CDKAL1: variants seen among roughly 807,000 people sequenced by gnomAD.
CDKAL1 encodes CDKAL1 threonylcarbamoyladenosine tRNA methylthiotransferase.
Under a neutral mutation model 68.2 loss-of-function variants are expected in CDKAL1, and 32 were observed. The observed-to-expected ratio is 0.47, with a 90% CI of 0.35 to 0.63. The LOEUF (loss-of-function observed/expected upper bound fraction) is 0.63. CDKAL1 is among the 30% of genes least tolerant of loss of function. The pLI is 0.00. For synonymous variants in CDKAL1, 234 were observed against 244.3 expected (o/e 0.96, Z 0.39); for missense variants, 606 against 696.7 (o/e 0.87, Z 1.47).
intron 13 of CDKAL1, among the ~76,000 whole-genome samples, chr6:21,180,213 T>G (rs2151085321): frequency 6.6e-6 from 1 of 152,334 alleles, no homozygotes; most frequent in South Asian, 2.1e-4. Context: ...TGGTAATGCT[T>G]GTGTTCATAG....
intron 9 of CDKAL1, among the ~76,000 whole-genome samples, chr6:20,930,138 A>G (rs962253785): frequency 6.6e-6 from 1 of 152,210 alleles, no homozygotes; most frequent in African/African-American, 2.4e-5. Context: ...ACACTTAGTG[A>G]GCTAAAACGC....
chr6:20,798,701 G>A (rs1336336404), intron 8 of CDKAL1, among the ~76,000 whole-genome samples: 1 of 145,738 alleles, frequency 6.9e-6, no homozygotes, highest in Non-Finnish European at 1.5e-5. Context: ...CTCGTAGGTG[G>A]GAATTGAACA....
At chr6:21,114,302 T>G (rs1195318647) in intron 13 of CDKAL1, among the ~76,000 whole-genome samples, 1 of 151,276 alleles carries the variant, frequency 6.6e-6, no homozygotes, top group Non-Finnish European at 1.5e-5. Flanking sequence ...TGTTGATAGT[T>G]GGGTAAGGGA....
chr6:20,582,942 A>G (rs1273863687), intron 4 of CDKAL1, among the ~76,000 whole-genome samples: 2 of 152,196 alleles, frequency 1.3e-5, no homozygotes, highest in African/African-American at 4.8e-5. Context: ...GTCTTCTCCA[A>G]GTGATACTCT....
chr6:20,684,711 T>TAA (rs113654973), intron 5 of CDKAL1, among the ~76,000 whole-genome samples: 9,405 of 152,216 alleles, frequency 0.062, 927 homozygotes, highest in African/African-American at 0.21. Context: ...ATTTGGCCAT[T>TAA]GTAAGAGGTT....
At chr6:21,073,690 A>C (rs1771916209) in intron 12 of CDKAL1, among the ~76,000 whole-genome samples, 1 of 152,136 alleles carries the variant, frequency 6.6e-6, no homozygotes, top group South Asian at 2.1e-4. Flanking sequence ...ATTTTTAATC[A>C]TGCAGTTTGT....
intron 7 of CDKAL1, among the ~76,000 whole-genome samples, chr6:20,762,253 T>C (rs1774501815): frequency 6.6e-6 from 1 of 152,144 alleles, no homozygotes; most frequent in African/African-American, 2.4e-5. Context: ...GTGGATTTAC[T>C]GGAGAGATTG....
chr6:20,544,510 G>A (rs1022552586), intron 2 of CDKAL1, among the ~76,000 whole-genome samples: 5 of 148,474 alleles, frequency 3.4e-5, no homozygotes, highest in African/African-American at 5.0e-5. Flanking sequence ...GCAGGAGAAT[G>A]GCGTGAACCC....
intron 9 of CDKAL1, among the ~76,000 whole-genome samples, chr6:20,856,009 CA>C (rs1025276737): frequency 4.6e-5 from 7 of 152,156 alleles, no homozygotes; most frequent in African/African-American, 1.7e-4. Flanking sequence ...TGATTGAGTG[CA>C]AATCCACCTG....
At chr6:20,623,073 TAA>T (rs547331232) in intron 4 of CDKAL1, among the ~76,000 whole-genome samples, 63 of 152,234 alleles carry the variant, frequency 4.1e-4, no homozygotes, top group Non-Finnish European at 7.2e-4. Flanking sequence ...AAATGTACAT[TAA>T]AAGTCTTCTG....
intron 9 of CDKAL1, among the ~76,000 whole-genome samples, chr6:20,865,893 G>T (rs1759882508): frequency 6.6e-6 from 1 of 152,098 alleles, no homozygotes; most frequent in Non-Finnish European, 1.5e-5. Context: ...TGCATTAAAT[G>T]AACTGTGAAG....
At chr6:20,904,838 C>T (rs189635606) in intron 9 of CDKAL1, among the ~76,000 whole-genome samples, 71 of 151,956 alleles carry the variant, frequency 4.7e-4, no homozygotes, top group East Asian at 1.7e-3. Context: ...GCCAGGAAGA[C>T]GCACAGACTC....
At chr6:20,845,503 CAG>C (rs1778344490) in intron 8 of CDKAL1, among the ~76,000 whole-genome samples, 1 of 151,840 alleles carries the variant, frequency 6.6e-6, no homozygotes, top group African/African-American at 2.4e-5. Flanking sequence ...AATGTAGTCT[CAG>C]AGAATTATTC....
intron 10 of CDKAL1, among the ~76,000 whole-genome samples, chr6:20,992,345 G>A (rs891623087): frequency 1.3e-5 from 2 of 151,888 alleles, no homozygotes; most frequent in Admixed American, 6.6e-5. Context: ...GGGATTACTA[G>A]TGTGAGCCAC....
intron 5 of CDKAL1, among the ~76,000 whole-genome samples, chr6:20,713,865 G>C (rs1407841282): frequency 6.6e-6 from 1 of 151,852 alleles, no homozygotes; most frequent in Non-Finnish European, 1.5e-5. Context: ...ACCTGTTTTG[G>C]TTTTTGTAAA....
chr6:20,834,590 C>T (rs1484361626), intron 8 of CDKAL1, among the ~76,000 whole-genome samples: 3 of 152,122 alleles, frequency 2.0e-5, no homozygotes, highest in African/African-American at 7.2e-5. Flanking sequence ...GAGGACCTCT[C>T]GTATCAATGC....
chr6:20,867,509 A>G (rs1000300448), intron 9 of CDKAL1, among the ~76,000 whole-genome samples: 2 of 150,686 alleles, frequency 1.3e-5, no homozygotes, highest in African/African-American at 5.0e-5. Context: ...GAACTGCTTT[A>G]TAGTTGCAGC....
chr6:20,988,609 A>G (rs1766615112), intron 10 of CDKAL1, among the ~76,000 whole-genome samples: 1 of 151,816 alleles, frequency 6.6e-6, no homozygotes, highest in Non-Finnish European at 1.5e-5. Context: ...GTTAGGGGGG[A>G]AAAGAGACTG....
intron 10 of CDKAL1, among the ~76,000 whole-genome samples, chr6:20,988,180 ATATGTG>A (rs1371925945): frequency 1.2e-3 from 41 of 34,356 alleles, no homozygotes; most frequent in Middle Eastern, 0.017. Flanking sequence ...AAGAAACATA[ATATGTG>A]TGTGTGTGTG....
Sources: gnomAD v4.1 joint callset for allele counts (sites outside exome capture counted in the v4.1 genomes callset) on GRCh38, gnomAD v4.1.1 for gene constraint, MANE v1.5 for transcripts, NCBI Gene and HGNC (gene_info 2026-07-23, HGNC 2026-07-21) for gene names.